The following CSMD1 variants were observed in gnomAD, a reference collection of about 807,000 sequenced individuals.
The protein encoded by CSMD1 is CUB and sushi domain-containing protein 1.
A neutral mutation model predicts 417.5 loss-of-function variants in CSMD1; 213 were observed. The observed-to-expected ratio is 0.51, with a 90% CI of 0.46 to 0.57. The LOEUF is 0.57. Among genes scored for constraint, CSMD1 ranks in the 20% least tolerant of loss-of-function variants. The probability of loss-of-function intolerance (pLI) is 0.00; values close to 1 mark genes in which losing one functional copy is unlikely to be tolerated. For synonymous variants in CSMD1, 2,862 were observed against 1,736.8 expected (o/e 1.65, Z -16.11); for missense variants, 6,923 against 4,529.7 (o/e 1.53, Z -15.17).
In CSMD1 at chr8:3,889,485, ATATAT is replaced by A. The variant is rs1563181289; in HGVS notation, c.818+108413_818+108417del. Among the ~76,000 whole-genome samples, 98 of 113,042 alleles carry A rather than the reference ATATAT, an allele frequency of 8.7e-4. 3 individuals are homozygous for A. Among genetic ancestry groups the A allele is most frequent in the African/African-American group, 3.3e-3 (91 of 27,570 alleles). 74.2% of individuals were successfully genotyped at this position (113,042 alleles called of 152,430 possible). On this transcript the variant is annotated intron_variant, in intron 5 of 69. Transcript: ENST00000635120. ...TATATATATATATATATATATATAT[ATATAT>A]ATAAAATATGCTCATTAGGTCATGA...
chr8:2,946,547 C>T (rs764827373), intron 68 of CSMD1, among the ~76,000 whole-genome samples: 1 of 152,148 alleles, frequency 6.6e-6, no homozygotes, highest in African/African-American at 2.4e-5. Flanking sequence ...AAGGTCCATC[C>T]TTGTTGTAGG....
At position 3,488,175 on chromosome 8, in the gene CSMD1, T is replaced by G. The variant is rs74745757; in HGVS notation, c.1448+5448A>C. On this transcript the variant is annotated intron_variant, in intron 11 of 69. Coordinates refer to ENST00000635120, the MANE Select transcript of CSMD1 (RefSeq NM_033225.6). Reference sequence around the variant, plus strand: ...TGGAGTGCAGTGGGGTCATCATAGCTCACTGCAGCCTTGATCTCCTGGGCA... The same window carrying G: ...TGGAGTGCAGTGGGGTCATCATAGCGCACTGCAGCCTTGATCTCCTGGGCA... Among the ~76,000 whole-genome samples the G allele has an allele frequency of 2.6e-3, 396 of 152,138 alleles. 4 individuals are homozygous for G. The highest frequency in any genetic ancestry group is 9.2e-3 in the African/African-American group (381 of 41,492).
chr8:4,942,642 C>A (rs948132434), intron 1 of CSMD1, among the ~76,000 whole-genome samples: 1 of 152,176 alleles, frequency 6.6e-6, no homozygotes, highest in African/African-American at 2.4e-5. Flanking sequence ...TTTTCACCAT[C>A]TATCCACTAA....
chr8:3,287,275 G>T (rs1173570303), intron 25 of CSMD1, among the ~76,000 whole-genome samples: 1 of 151,384 alleles, frequency 6.6e-6, no homozygotes, highest in African/African-American at 2.4e-5. Context: ...GGATTGACTT[G>T]GTGATTCGGG....
At chr8:3,457,129 C>T (rs1418076413) in intron 12 of CSMD1, among the ~76,000 whole-genome samples, 1 of 151,654 alleles carries the variant, frequency 6.6e-6, no homozygotes, top group African/African-American at 2.4e-5. Context: ...CAGGCCTCTC[C>T]TCCCGTACTC....
At chr8:3,561,446 C>CAGTCATAAA (rs58353989) in intron 10 of CSMD1, among the ~76,000 whole-genome samples, 7,744 of 152,240 alleles carry the variant, frequency 0.051, 353 homozygotes, top group Admixed American at 0.15. Context: ...GGATACCACA[C>CAGTCATAAA]AATCATAAAA....
chr8:4,940,223 G>A (rs543278375), intron 1 of CSMD1, among the ~76,000 whole-genome samples: 3 of 152,284 alleles, frequency 2.0e-5, no homozygotes, highest in East Asian at 1.9e-4. Context: ...TAGTCAAAGC[G>A]TATTTGAGAA....
chr8:3,904,700 T>G (rs2954627), intron 5 of CSMD1, among the ~76,000 whole-genome samples: 83,175 of 149,332 alleles, frequency 0.56, 25,418 homozygotes, highest in South Asian at 0.67. Context: ...GCAGTGGTGC[T>G]ATCTCAGCTC....
chr8:3,508,344 C>T (rs373812712), intron 10 of CSMD1, among the ~76,000 whole-genome samples: 13 of 117,622 alleles, frequency 1.1e-4, no homozygotes, highest in South Asian at 3.1e-4. Context: ...ACATCACACA[C>T]GGGGGCCTGT....
intron 3 of CSMD1, among the ~76,000 whole-genome samples, chr8:4,032,907 G>T (rs112446362): frequency 7.2e-5 from 11 of 152,082 alleles, no homozygotes; most frequent in Non-Finnish European, 1.5e-4. Flanking sequence ...AGTCAGACAT[G>T]CCTCATTATA....
intron 59 of CSMD1, among the ~76,000 whole-genome samples, chr8:2,963,933 A>G (rs1354059928): frequency 6.6e-6 from 1 of 152,208 alleles, no homozygotes; most frequent in Non-Finnish European, 1.5e-5. Flanking sequence ...GTGTTTCATC[A>G]CAGCCTTGGA....
intron 10 of CSMD1, among the ~76,000 whole-genome samples, chr8:3,567,311 T>G (rs1799755539): frequency 6.6e-6 from 1 of 151,958 alleles, no homozygotes; most frequent in Admixed American, 6.6e-5. Flanking sequence ...AAAAAACAAC[T>G]GTTGGGTACT....
At chr8:4,162,764 C>A (rs1341693368) in intron 3 of CSMD1, among the ~76,000 whole-genome samples, 2 of 152,106 alleles carry the variant, frequency 1.3e-5, no homozygotes, top group Non-Finnish European at 2.9e-5. Flanking sequence ...TCATCCAAAC[C>A]CCCAGTTTAC....
intron 3 of CSMD1, among the ~76,000 whole-genome samples, chr8:4,243,393 A>C (rs1802515687): frequency 6.6e-6 from 1 of 152,160 alleles, no homozygotes; most frequent in African/African-American, 2.4e-5. Flanking sequence ...ACTTGGAGAG[A>C]ATGACTCATC....
chr8:4,176,540 C>G (rs935609965), intron 3 of CSMD1, among the ~76,000 whole-genome samples: 3 of 152,054 alleles, frequency 2.0e-5, no homozygotes, highest in East Asian at 1.9e-4. Flanking sequence ...CCATTCTGAT[C>G]CCTACTAATA....
At chr8:4,088,414 C>T (rs1770173347) in intron 3 of CSMD1, among the ~76,000 whole-genome samples, 1 of 152,190 alleles carries the variant, frequency 6.6e-6, no homozygotes. Flanking sequence ...TCTCAGGTTT[C>T]CTCTCCAAAC....
intron 1 of CSMD1, among the ~76,000 whole-genome samples, chr8:4,974,967 G>C (rs4436145): frequency 0.69 from 104,584 of 152,096 alleles, 36,891 homozygotes; most frequent in African/African-American, 0.81. Flanking sequence ...GATTCAAGTC[G>C]AAATTTTATA....
intron 3 of CSMD1, among the ~76,000 whole-genome samples, chr8:4,113,177 G>C (rs886316890): frequency 6.6e-6 from 1 of 152,100 alleles, no homozygotes; most frequent in East Asian, 1.9e-4. Flanking sequence ...CCTAGCCCCA[G>C]AGACACAACA....
chr8:3,933,924 T>C (rs1183426492), intron 5 of CSMD1, among the ~76,000 whole-genome samples: 5 of 151,990 alleles, frequency 3.3e-5, no homozygotes, highest in Admixed American at 6.6e-5. Context: ...GGGTGAAAAA[T>C]GCGATGAAAA....
Sources: allele counts gnomAD v4.1 joint callset (sites outside exome capture counted in the v4.1 genomes callset), GRCh38; gene constraint gnomAD v4.1.1; transcripts MANE v1.5; gene names NCBI Gene and HGNC (gene_info 2026-07-23, HGNC 2026-07-21).